Variants in VAV3 observed in about 807,000 individuals in gnomAD.
VAV3 encodes the protein vav guanine nucleotide exchange factor 3, also known as guanine nucleotide exchange factor VAV3.
In VAV3, 94 loss-of-function variants were observed where a neutral mutation model predicts 131.2. The observed-to-expected ratio is 0.72, with a 90% CI of 0.61 to 0.85. VAV3 has a LOEUF of 0.85. Among genes scored for constraint, VAV3 ranks in the 40% least tolerant of loss-of-function variants. The probability of loss-of-function intolerance (pLI) is 0.00; values close to 1 mark genes in which losing one functional copy is unlikely to be tolerated. For synonymous variants in VAV3, 349 were observed against 342.0 expected (o/e 1.02, Z -0.22); for missense variants, 939 against 1,002.7 (o/e 0.94, Z 0.86).
chr1:107,958,722 C>T (rs920878203), intron 1 of VAV3, among the ~76,000 whole-genome samples: 1 of 152,138 alleles, frequency 6.6e-6, no homozygotes, highest in African/African-American at 2.4e-5. Flanking sequence ...TGGTTTCCTG[C>T]ACCCATCAAC....
chr1:107,816,167 CT>C, intron 2 of VAV3, among the ~76,000 whole-genome samples: 1 of 152,150 alleles, frequency 6.6e-6, no homozygotes, highest in South Asian at 2.1e-4. Context: ...GACCTCTGGC[CT>C]AACAGAAAGG....
intron 12 of VAV3, among the ~76,000 whole-genome samples, chr1:107,753,622 T>C (rs1475497012): frequency 2.7e-5 from 4 of 149,876 alleles, no homozygotes; most frequent in Non-Finnish European, 4.4e-5. Context: ...TGCAGTGGCA[T>C]GATCTCGGTT....
chr1:107,903,136 A>G (rs1034092712), intron 1 of VAV3, among the ~76,000 whole-genome samples: 2 of 152,218 alleles, frequency 1.3e-5, no homozygotes, highest in African/African-American at 4.8e-5. Context: ...AATGTGCTAT[A>G]GAGAAAAAAT....
In VAV3 at chr1:107,965,000, G is replaced by C; in HGVS notation, c.-131C>G. On this transcript the variant is annotated 5_prime_UTR_variant, in exon 1 of 27. Coordinates refer to ENST00000370056, the MANE Select transcript of VAV3 (RefSeq NM_006113.5). ...GGCCCTTTCCCCGCGCGGGATCGAG[G>C]GAGCAGGAGCCGCGGCTGACGGGTC... The C allele has an allele frequency of 7.7e-6, 6 of 774,750 alleles. No homozygotes were observed. The highest frequency in any genetic ancestry group is 9.9e-6 in the Non-Finnish European group (6 of 605,932). 48.0% of individuals were successfully genotyped at this position (774,750 alleles called of 1,614,324 possible).
At chr1:107,677,286 A>C (rs977344070) in intron 19 of VAV3, among the ~76,000 whole-genome samples, 1 of 152,124 alleles carries the variant, frequency 6.6e-6, no homozygotes, top group Non-Finnish European at 1.5e-5. Flanking sequence ...AATCAATTGG[A>C]TATCATTTGC....
At chr1:107,810,837 C>A (rs118191580) in intron 2 of VAV3, among the ~76,000 whole-genome samples, 1 of 151,438 alleles carries the variant, frequency 6.6e-6, no homozygotes, top group Non-Finnish European at 1.5e-5. Flanking sequence ...AGAAACAATA[C>A]GCGACAGGAC....
At chr1:107,918,341 A>G (rs1229850978) in intron 1 of VAV3, among the ~76,000 whole-genome samples, 1 of 152,238 alleles carries the variant, frequency 6.6e-6, no homozygotes, top group Non-Finnish European at 1.5e-5. Flanking sequence ...TACCAACAGC[A>G]GACCTGGTAA....
At chr1:107,597,506 T>G (rs544895980) in intron 24 of VAV3, among the ~76,000 whole-genome samples, 15 of 152,188 alleles carry the variant, frequency 9.9e-5, no homozygotes, top group Non-Finnish European at 1.6e-4. Flanking sequence ...GAAGGGAAAG[T>G]TCAAAGGCAG....
intron 2 of VAV3, among the ~76,000 whole-genome samples, chr1:107,790,552 C>T (rs183134226): frequency 1.3e-5 from 2 of 152,158 alleles, no homozygotes; most frequent in African/African-American, 2.4e-5. Context: ...CAGGTAAGTT[C>T]TCTGAGGGAC....
rs115318127 is a variant in VAV3 at position 107,931,396 on chromosome 1, G to A, written c.204+33270C>T. On this transcript the variant is annotated intron_variant, in intron 1 of 26. Transcript: ENST00000370056. ...ATATCACATTGTACCCTATAAGTAT[G>A]CACAATTATTATATGCCAATTAAAA... 5.7e-3 allele frequency among the ~76,000 whole-genome samples: 873 copies of A among 152,196 alleles called. 5 individuals carry two copies. The highest frequency in any genetic ancestry group is 0.02 in the African/African-American group (812 of 41,532).
At chr1:107,665,878 A>C (rs1657373889) in intron 19 of VAV3, among the ~76,000 whole-genome samples, 1 of 152,166 alleles carries the variant, frequency 6.6e-6, no homozygotes, top group African/African-American at 2.4e-5. Context: ...CTTTATACAC[A>C]CACTAGTGAT....
Position 107,759,262 on chromosome 1 carries a change from A to G in VAV3, c.1017+1522T>C, listed in dbSNP as rs116032170. Among the ~76,000 whole-genome samples, 441 of 152,334 alleles carry G rather than the reference A, an allele frequency of 2.9e-3. 1 individual carries two copies. The highest frequency in any genetic ancestry group is 0.01 in the African/African-American group (428 of 41,586). ...TACTACCAGTGTTTCTGCTATAAAC[A>G]AGAACTTAAAGACAGAATCTATTAA... On this transcript the variant is annotated intron_variant, in intron 10 of 26. Transcript: ENST00000370056.
chr1:107,773,406 T>A (rs6685881), intron 4 of VAV3, among the ~76,000 whole-genome samples: 32,942 of 152,120 alleles, frequency 0.22, 3,733 homozygotes, highest in East Asian at 0.35. Flanking sequence ...AGTGGTCTTA[T>A]AAAAGCATCA....
chr1:107,694,462 T>C (rs1027031541), intron 17 of VAV3, among the ~76,000 whole-genome samples: 1 of 152,176 alleles, frequency 6.6e-6, no homozygotes, highest in African/African-American at 2.4e-5. Flanking sequence ...CTAACCCAGG[T>C]GTCTCCTCTC....
At chr1:107,870,011 T>C (rs184868505) in intron 2 of VAV3, among the ~76,000 whole-genome samples, 1 of 152,156 alleles carries the variant, frequency 6.6e-6, no homozygotes, top group Admixed American at 6.6e-5. Context: ...TTCCGTCATA[T>C]ATACAATTTC....
chr1:107,723,872 TAA>T (rs1463027938), intron 15 of VAV3, among the ~76,000 whole-genome samples: 1 of 152,100 alleles, frequency 6.6e-6, no homozygotes, highest in African/African-American at 2.4e-5. Flanking sequence ...TTAATACACA[TAA>T]AGTGTCCTGT....
At chr1:107,914,364 T>A (rs769368818) in intron 1 of VAV3, among the ~76,000 whole-genome samples, 11 of 152,198 alleles carry the variant, frequency 7.2e-5, no homozygotes, top group African/African-American at 2.7e-4. Flanking sequence ...GCAGCCTGGT[T>A]GCTCCTGTCT....
intron 25 of VAV3, among the ~76,000 whole-genome samples, chr1:107,584,206 T>C (rs1475620641): frequency 6.6e-6 from 1 of 152,218 alleles, no homozygotes; most frequent in African/African-American, 2.4e-5. Flanking sequence ...GCTAGCCATA[T>C]GTAGAAAGCT....
chr1:107,948,863 A>G (rs902476976), intron 1 of VAV3, among the ~76,000 whole-genome samples: 26 of 152,156 alleles, frequency 1.7e-4, no homozygotes, highest in African/African-American at 6.0e-4. Context: ...AAACAAACAA[A>G]CAAAAACAAT....
Sources: gnomAD v4.1 joint callset for allele counts (sites outside exome capture counted in the v4.1 genomes callset) on GRCh38, gnomAD v4.1.1 for gene constraint, MANE v1.5 for transcripts, NCBI Gene and HGNC (gene_info 2026-07-23, HGNC 2026-07-21) for gene names.